PHF6: variants seen among roughly 807,000 people sequenced by gnomAD.
PHF6 encodes the protein PHD finger protein 6.
In PHF6, 7 loss-of-function variants were observed where a neutral mutation model predicts 34.0. That is an observed-to-expected ratio of 0.21 (90% CI 0.12 to 0.39). PHF6 has a LOEUF of 0.39. PHF6 is among the 10% of genes least tolerant of loss of function. The pLI is 1.00. For synonymous variants in PHF6, 89 were observed against 88.4 expected, an observed-to-expected ratio of 1.01 and a Z score of -0.04; for missense variants, 128 against 262.8, an observed-to-expected ratio of 0.49 and a Z score of 3.55.
At position 134,383,485 on chromosome X, in the gene PHF6, C is replaced by T. The variant is rs1032213956; in HGVS notation, c.240+5379C>T. Among the ~76,000 whole-genome samples, 7 of 110,790 alleles carry T rather than the reference C, an allele frequency of 6.3e-5. No homozygotes were observed. The Admixed American group carries it at 6.8e-4, about 11-fold the overall frequency. ...CCTTCATATACTTGATGACTGTCCT[C>T]AGGTCACTCCTAAACGTTCCCTTTT... On this transcript the variant is annotated intron_variant, in intron 3 of 10. Transcript: ENST00000370803.
In PHF6 at chrX:134,383,348, T is replaced by C. The variant is rs770447192; in HGVS notation, c.240+5242T>C. Among the ~76,000 whole-genome samples the C allele has an allele frequency of 5.4e-5, 6 of 111,763 alleles. No individual in the cohort carries two copies. The East Asian group carries it at 1.4e-3, about 26-fold the overall frequency. ...AGTAATATATAACACTCTTCAGAGT[T>C]GAGAAATTCATCCTTCTGTATAAAT... On this transcript the variant is annotated intron_variant, in intron 3 of 10. Coordinates refer to ENST00000370803, the MANE Select transcript of PHF6 (RefSeq NM_001015877.2).
At chrX:134,387,788 T>C (rs1428616362) in intron 3 of PHF6, among the ~76,000 whole-genome samples, 1 of 111,619 alleles carries the variant, frequency 9.0e-6, no homozygotes, top group African/African-American at 3.3e-5. Context: ...GTCTGTTAAA[T>C]CTAGTAAAAA....
Position 134,415,384 on chromosome X carries a change from TAAATG to T in PHF6, c.834+267_834+271del, listed in dbSNP as rs2077469389. 1.2e-5 allele frequency: 5 copies of T among 410,202 alleles called. No individual in the cohort carries two copies. The South Asian group carries it at 2.5e-4, about 21-fold the overall frequency. The allele number at this position is 410,202 out of a possible 1,213,427, so 33.8% of individuals were successfully genotyped here. On this transcript the variant is annotated intron_variant, in intron 8 of 10. Transcript: ENST00000370803. ...GGCATTTGCAAGCCGTTTAATAAAA[TAAATG>T]AAGATATGAATGTGACAAACTTCAT...
chrX:134,412,553 G>C (rs1602714791), intron 5 of PHF6, among the ~76,000 whole-genome samples: 1 of 111,736 alleles, frequency 8.9e-6, no homozygotes. Context: ...TATTAGAGCT[G>C]TGCCTAAAAC....
chrX:134,381,752 A>G (rs1227429101), intron 3 of PHF6, among the ~76,000 whole-genome samples: 1 of 110,732 alleles, frequency 9.0e-6, no homozygotes, highest in Non-Finnish European at 1.9e-5. Context: ...CGGCCTCCCA[A>G]AGTGCTGGGA....
At chrX:134,420,595 T>G (rs1049989563) in intron 9 of PHF6, among the ~76,000 whole-genome samples, 2 of 110,000 alleles carry the variant, frequency 1.8e-5, no homozygotes, top group African/African-American at 6.6e-5. Context: ...AAGCTTTGTT[T>G]TGGGGTGTGG....
At chrX:134,392,946 G>A (rs1050545974) in intron 3 of PHF6, among the ~76,000 whole-genome samples, 3 of 110,840 alleles carry the variant, frequency 2.7e-5, no homozygotes, top group African/African-American at 6.6e-5. Flanking sequence ...AGAGGCATGC[G>A]CCACCACACC....
intron 5 of PHF6, among the ~76,000 whole-genome samples, chrX:134,402,422 A>G (rs917382336): frequency 1.8e-5 from 2 of 112,091 alleles, no homozygotes; most frequent in African/African-American, 6.5e-5. Flanking sequence ...AGTATTATAC[A>G]CTGGTTAAGA....
At chrX:134,391,202 G>A (rs1442637419) in intron 3 of PHF6, among the ~76,000 whole-genome samples, 2 of 110,648 alleles carry the variant, frequency 1.8e-5, no homozygotes, top group African/African-American at 6.6e-5. Flanking sequence ...TTGAACTCCT[G>A]ACCTCAGGTG....
chrX:134,393,375 A>G (rs1004605618), intron 3 of PHF6, 126 bp from the exon 4 acceptor site: 2 of 663,606 alleles, frequency 3.0e-6, no homozygotes, highest in Non-Finnish European at 4.6e-6. Context: ...CAAGAAAAGT[A>G]GCATTAATTA....
At chrX:134,374,040 A>G (rs1464922616) in intron 1 of PHF6, among the ~76,000 whole-genome samples, 1 of 111,068 alleles carries the variant, frequency 9.0e-6, no homozygotes, top group Non-Finnish European at 1.9e-5. Flanking sequence ...TACGACGGAA[A>G]GGAACCTGCT....
chrX:134,425,159 A>G, intron 9 of PHF6, 42 bp from the exon 10 acceptor site: 1 of 1,204,177 alleles, frequency 8.3e-7, no homozygotes, highest in Non-Finnish European at 1.1e-6. Flanking sequence ...GTTCATCAGC[A>G]GTGACAAAGC....
rs189263451 is a variant in PHF6 at position 134,407,407 on chromosome X, G to T, written c.419-6084G>T. ...AATGGAGAAAGTGTTCATCACATTT[G>T]TAACAGCAAAACCACTGAAAACTTA... On this transcript the variant is annotated intron_variant, in intron 5 of 10. Transcript: ENST00000370803. 5.0e-3 allele frequency among the ~76,000 whole-genome samples: 559 copies of T among 112,473 alleles called. 3 individuals carry two copies. The highest frequency in any genetic ancestry group is 9.5e-3 in the Non-Finnish European group (506 of 53,298).
At chrX:134,380,177 C>T (rs1330300781) in intron 3 of PHF6, among the ~76,000 whole-genome samples, 4 of 100,761 alleles carry the variant, frequency 4.0e-5, no homozygotes, top group Admixed American at 2.2e-4. Flanking sequence ...GACAGAGTCT[C>T]GCTCTGTCGC....
At chrX:134,417,020 A>G (rs903933839) in intron 8 of PHF6, 149 bp from the exon 9 acceptor site, 1 of 593,702 alleles carries the variant, frequency 1.7e-6, no homozygotes. Context: ...GGGGATGACA[A>G]TATTAGAGGG....
At chrX:134,409,807 C>G (rs1317828214) in intron 5 of PHF6, among the ~76,000 whole-genome samples, 1 of 110,456 alleles carries the variant, frequency 9.1e-6, no homozygotes, top group Non-Finnish European at 1.9e-5. Flanking sequence ...TTGCCCTTCT[C>G]CCTCTCTCCT....
chrX:134,413,124 A>G (rs1184099899), intron 5 of PHF6, among the ~76,000 whole-genome samples: 2 of 112,152 alleles, frequency 1.8e-5, no homozygotes, highest in African/African-American at 6.5e-5. Flanking sequence ...TTAAGGCCAC[A>G]TGTTGCTAGT....
chrX:134,388,695 G>A (rs1471467403), intron 3 of PHF6, among the ~76,000 whole-genome samples: 1 of 111,644 alleles, frequency 9.0e-6, no homozygotes, highest in African/African-American at 3.3e-5. Flanking sequence ...GAGCCTTGTC[G>A]TAGAAGTTGG....
At chrX:134,399,686 GACACAC>G (rs749494093) in intron 5 of PHF6, among the ~76,000 whole-genome samples, 1 of 95,515 alleles carries the variant, frequency 1.0e-5, no homozygotes, top group Non-Finnish European at 2.1e-5. Flanking sequence ...CACACACACA[GACACAC>G]ACACACACAC....
Sources: allele counts gnomAD v4.1 joint callset (sites outside exome capture counted in the v4.1 genomes callset), GRCh38; gene constraint gnomAD v4.1.1; transcripts MANE v1.5; gene names NCBI Gene and HGNC (gene_info 2026-07-23, HGNC 2026-07-21).